Variants in ANGPTL2 observed in about 807,000 individuals in gnomAD.
The protein encoded by ANGPTL2 is angiopoietin like 2.
In ANGPTL2, 25 loss-of-function variants were observed where a neutral mutation model predicts 52.8. That is an observed-to-expected ratio of 0.47 (90% CI 0.35 to 0.66). The LOEUF is 0.66. Ranked by LOEUF, ANGPTL2 falls within the 30% of genes least tolerant of loss-of-function variation. The pLI, the probability that ANGPTL2 is intolerant of heterozygous loss-of-function variation, is 0.01. For synonymous variants in ANGPTL2, 276 were observed against 277.4 expected (o/e 1.00, Z 0.05); for missense variants, 546 against 656.9 (o/e 0.83, Z 1.84).
chr9:127,093,668 C>A, intron 3 of ANGPTL2, 65 bp downstream of exon 3: 1 of 1,581,682 alleles, frequency 6.3e-7, no homozygotes. Flanking sequence ...ATTGGTTGCT[C>A]AGGCCTCTCT....
At position 127,122,591 on chromosome 9, in the gene ANGPTL2, A is replaced by C. The variant is rs2056233079; in HGVS notation, c.-326T>G. Reference sequence around the variant, plus strand: ...CCTCAGTGCCACGCTCGGCAGGTCCAGGGCTTGGGGTCCATCCTCAGGCCG... The same window carrying C: ...CCTCAGTGCCACGCTCGGCAGGTCCCGGGCTTGGGGTCCATCCTCAGGCCG... On this transcript the variant is annotated 5_prime_UTR_variant, in exon 1 of 5. Transcript: ENST00000373425. This position sits in a 1 kb window ranked among gnomAD's most constrained non-coding sequence, Gnocchi z 6.4. The C allele has an allele frequency of 6.5e-6, 1 of 153,010 alleles. No homozygotes were observed. The highest frequency in any genetic ancestry group is 2.4e-5 in the African/African-American group (1 of 41,422). 9.5% of individuals were successfully genotyped at this position (153,010 alleles called of 1,614,324 possible). A position where few individuals can be genotyped will look rare whatever the true frequency, so the allele number is the denominator to read the frequency against.
At chr9:127,095,943 G>A (rs1052968510) in intron 2 of ANGPTL2, among the ~76,000 whole-genome samples, 5 of 152,118 alleles carry the variant, frequency 3.3e-5, no homozygotes, top group African/African-American at 1.2e-4. Flanking sequence ...GTATTGCCCC[G>A]ATAAGAAAGA....
chr9:127,095,955 T>C (rs557551510), intron 2 of ANGPTL2, among the ~76,000 whole-genome samples: 1 of 152,176 alleles, frequency 6.6e-6, no homozygotes, highest in Non-Finnish European at 1.5e-5. Context: ...TAAGAAAGAT[T>C]GGTTTGGGTG....
chr9:127,113,100 G>A (rs904299016), intron 1 of ANGPTL2, among the ~76,000 whole-genome samples: 1 of 152,176 alleles, frequency 6.6e-6, no homozygotes, highest in Non-Finnish European at 1.5e-5. Context: ...AACTGATTGG[G>A]TTACAGGAAG....
chr9:127,088,576 A>T lies in ANGPTL2; in HGVS notation c.*363T>A, dbSNP rs927969003. On this transcript the variant is annotated 3_prime_UTR_variant, in exon 5 of 5. Coordinates refer to ENST00000373425, the MANE Select transcript of ANGPTL2 (RefSeq NM_012098.3). ...TCACATGTGATGTATATCTAAATGC[A>T]TATATATGTGGTATACACATACGTG... 3.6e-6 allele frequency: 1 copy of T among 276,706 alleles called. No individual in the cohort carries two copies. Among genetic ancestry groups the T allele is most frequent in the African/African-American group, 2.2e-5 (1 of 46,054 alleles). The allele number at this position is 276,706 out of a possible 1,614,324, so 17.1% of individuals were successfully genotyped here. A position where few individuals can be genotyped will look rare whatever the true frequency, so the allele number is the denominator to read the frequency against.
At chr9:127,092,779 G>A (rs1359920725) in intron 3 of ANGPTL2, among the ~76,000 whole-genome samples, 1 of 151,990 alleles carries the variant, frequency 6.6e-6, no homozygotes, top group African/African-American at 2.4e-5. Context: ...GGAGTCTCCC[G>A]CTCCTAATGT....
In ANGPTL2 at chr9:127,120,854, T is replaced by G. The variant is rs2055995261; in HGVS notation, c.-50+1461A>C. 2.0e-5 allele frequency among the ~76,000 whole-genome samples: 3 copies of G among 151,802 alleles called. No individual in the cohort carries two copies. The South Asian group carries it at 6.2e-4, about 32-fold the overall frequency. ...AAAAAAAAAAAAAAGAATTCGTGTC[T>G]CTGCTCTTCCCTTCCCTCTGTGCCA... On this transcript the variant is annotated intron_variant, in intron 1 of 4. Transcript: ENST00000373425.
At chr9:127,115,837 C>G (rs1289409584) in intron 1 of ANGPTL2, among the ~76,000 whole-genome samples, 2 of 152,248 alleles carry the variant, frequency 1.3e-5, no homozygotes, top group East Asian at 3.9e-4. Context: ...CAGTGACACC[C>G]TCACCTTGGA....
chr9:127,089,568 T>C (rs1024728301), intron 4 of ANGPTL2, among the ~76,000 whole-genome samples: 1 of 152,174 alleles, frequency 6.6e-6, no homozygotes, highest in African/African-American at 2.4e-5. Flanking sequence ...GAAAAGCTTT[T>C]TCTTAGGAAT....
At position 127,091,880 on chromosome 9, in the gene ANGPTL2, T is replaced by TC; in HGVS notation, c.1071dup (p.Thr358AspfsTer32). On this transcript the variant is annotated frameshift_variant, in exon 4 of 5. Transcript: ENST00000373425. LOFTEE classifies it high-confidence loss of function. This position sits in a 1 kb window ranked among gnomAD's most constrained non-coding sequence, Gnocchi z 4.3. ...AGGAGTTTGTAGTTGCCTTGGTTCG[T>TC]CAGCCAGTAAATGTTCTCCAGGCCC... 1 of 1,614,030 alleles carries TC rather than the reference T, an allele frequency of 6.2e-7. No homozygotes were observed. The highest frequency in any genetic ancestry group is 8.5e-7 in the Non-Finnish European group (1 of 1,180,006).
intron 2 of ANGPTL2, among the ~76,000 whole-genome samples, chr9:127,098,490 A>C (rs1386094375): frequency 6.6e-6 from 1 of 152,112 alleles, no homozygotes; most frequent in Admixed American, 6.5e-5. Flanking sequence ...GGCTGAGCCG[A>C]GTCTGTGTGG....
rs1360322379 is a variant in ANGPTL2, at chr9:127,087,745, C to T, written c.*1194G>A. On this transcript the variant is annotated 3_prime_UTR_variant, in exon 5 of 5. Coordinates refer to ENST00000373425, the MANE Select transcript of ANGPTL2 (RefSeq NM_012098.3). The stretch of plus-strand genomic sequence containing the variant: ...TTTTCATTTTTGTGGCACTTGTTCT[C>T]CAGGGAAGTGTAGTTTGGAGATGAG... The T allele has an allele frequency of 6.6e-6, 1 of 152,128 alleles. No individual in the cohort carries two copies. Among genetic ancestry groups the T allele is most frequent in the Non-Finnish European group, 1.5e-5 (1 of 68,038 alleles). 9.4% of individuals were successfully genotyped at this position (152,128 alleles called of 1,614,324 possible). A position where few individuals can be genotyped will look rare whatever the true frequency, so the allele number is the denominator to read the frequency against.
At chr9:127,096,662 G>A (rs756624401) in intron 2 of ANGPTL2, among the ~76,000 whole-genome samples, 2 of 152,134 alleles carry the variant, frequency 1.3e-5, no homozygotes, top group Admixed American at 6.5e-5. Flanking sequence ...TAAATGTTTT[G>A]GGGCTACTAG....
At chr9:127,089,795 T>C (rs891239843) in intron 4 of ANGPTL2, among the ~76,000 whole-genome samples, 8 of 152,184 alleles carry the variant, frequency 5.3e-5, no homozygotes, top group African/African-American at 1.9e-4. Flanking sequence ...CAGTAAAAAC[T>C]GTGGGAAGGT....
chr9:127,098,215 A>C (rs1441696939), intron 2 of ANGPTL2, among the ~76,000 whole-genome samples: 1 of 152,210 alleles, frequency 6.6e-6, no homozygotes, highest in African/African-American at 2.4e-5. Context: ...TGAAGAATGG[A>C]AATCTTTTTT....
intron 1 of ANGPTL2, among the ~76,000 whole-genome samples, chr9:127,110,363 C>T (rs549396777): frequency 5.9e-5 from 9 of 152,300 alleles, no homozygotes; most frequent in African/African-American, 9.6e-5. Flanking sequence ...CCTGTCTTGC[C>T]GGCTGTTCCT....
rs1666554049 is a variant in ANGPTL2, at chr9:127,112,997, A to G, written c.-49-4217T>C. On this transcript the variant is annotated intron_variant, in intron 1 of 4. Coordinates refer to ENST00000373425, the MANE Select transcript of ANGPTL2 (RefSeq NM_012098.3). Reference sequence around the variant, plus strand: ...TGTAGGGGTAGCTGACTTTGAGGTCATGTTGCGAGCAGTGGGACCTCTTGT... The same window carrying G: ...TGTAGGGGTAGCTGACTTTGAGGTCGTGTTGCGAGCAGTGGGACCTCTTGT... Among the ~76,000 whole-genome samples the G allele has an allele frequency of 2.0e-5, 3 of 152,198 alleles. No individual in the cohort carries two copies. The South Asian group carries it at 6.2e-4, about 32-fold the overall frequency.
In ANGPTL2 at chr9:127,091,295, T is replaced by TTTTA. The variant is rs1388282082; in HGVS notation, c.1282+374_1282+375insTAAA. Among the ~76,000 whole-genome samples, 1 of 152,226 alleles carries TTTTA rather than the reference T, an allele frequency of 6.6e-6. No individual in the cohort carries two copies. Among genetic ancestry groups the TTTTA allele is most frequent in the Non-Finnish European group, 1.5e-5 (1 of 68,036 alleles). On this transcript the variant is annotated intron_variant, in intron 4 of 4. Transcript: ENST00000373425. The surrounding 1 kb of genome is among the most constrained non-coding windows in gnomAD (Gnocchi z 4.3). Reference sequence around the variant, plus strand: ...GGGCCAGCACTGGAGCCCAGGTGTGTGGCCCAGAGCCTACGCAGTTGGTTA... The same window carrying TTTTA: ...GGGCCAGCACTGGAGCCCAGGTGTGTTTTAGGCCCAGAGCCTACGCAGTTGGTTA...
rs758976967 is a variant in ANGPTL2 at position 127,088,926 on chromosome 9, A to G, written c.*13T>C. On this transcript the variant is annotated 3_prime_UTR_variant, in exon 5 of 5. Transcript: ENST00000373425. ...CTGGCAATGGCCACGAGAGGTCAGG[A>G]GGGGGAGCTGGCTTAGTGGAAGGTG... The G allele has an allele frequency of 9.3e-6, 15 of 1,614,108 alleles. No individual in the cohort carries two copies. In the East Asian group the frequency reaches 3.3e-4, roughly 36 times the overall value.
Sources: gnomAD v4.1 joint callset for allele counts (sites outside exome capture counted in the v4.1 genomes callset) on GRCh38, gnomAD v4.1.1 for gene constraint, Gnocchi (gnomAD v3.1) non-coding constraint, MANE v1.5 for transcripts, NCBI Gene and HGNC (gene_info 2026-07-23, HGNC 2026-07-21) for gene names.